Variants in SPEG observed in about 807,000 individuals in gnomAD.
SPEG encodes striated muscle enriched protein kinase.
A neutral mutation model predicts 300.4 loss-of-function variants in SPEG; 114 were observed. The observed-to-expected ratio is 0.38, with a 90% CI of 0.33 to 0.44. The LOEUF (loss-of-function observed/expected upper bound fraction) is 0.44, where lower values mean the gene tolerates loss of function less well. SPEG is among the 20% of genes least tolerant of loss of function. The probability of loss-of-function intolerance (pLI) is 1.00; values close to 1 mark genes in which losing one functional copy is unlikely to be tolerated. For missense variants in SPEG, 4,201 were observed against 4,586.2 expected (o/e 0.92, Z 2.43); for synonymous variants, 1,964 against 2,018.9 (o/e 0.97, Z 0.73).
rs1553607135 is a variant in SPEG, at chr2:219,449,033, AC to A, written c.1881del (p.Gly628ValfsTer92). 8.6e-6 allele frequency: 13 copies of A among 1,517,668 alleles called. No individual in the cohort carries two copies. The highest frequency in any genetic ancestry group is 5.4e-5 in the East Asian group (2 of 37,118). The allele number at this position is 1,517,668 out of a possible 1,614,324, so 94.0% of individuals were successfully genotyped here. On this transcript the variant is annotated frameshift_variant, in exon 4 of 41. Transcript: ENST00000312358. LOFTEE classifies it high-confidence loss of function. ...ADPPEARTKAPPGRKREPPAQ... is the reference protein window; with the variant it reads ...ADPPEARTKAXPGRKREPPAQ... ...ATCCCCCAGAGGCCAGGACGAAAGC[AC>A]CCCCCGGTCGGAAGCGGGAGCCCCC... is the stretch of plus-strand genomic sequence containing the variant.
rs749460334 is a variant in SPEG, at chr2:219,473,989, A to G, written c.4447+86A>G. The G allele has an allele frequency of 5.7e-6, 8 of 1,413,522 alleles. No homozygotes were observed. In the South Asian group the frequency reaches 7.9e-5, roughly 14 times the overall value. 87.6% of individuals were successfully genotyped at this position (1,413,522 alleles called of 1,614,324 possible). On this transcript the variant is annotated intron_variant, in intron 18 of 40. Transcript: ENST00000312358. The surrounding 1 kb of genome is among the most constrained non-coding windows in gnomAD (Gnocchi z 4.6). ...CCCCCAGGTACACAACCTGCCTGAC[A>G]CTGCTGCAGATCCAAACCCATGTCC...
Position 219,485,055 on chromosome 2 carries a change from C to G in SPEG, c.7592C>G (p.Ala2531Gly), listed in dbSNP as rs1213929710. The G allele has an allele frequency of 6.5e-7, 1 of 1,532,522 alleles. No homozygotes were observed. Among genetic ancestry groups the G allele is most frequent in the Non-Finnish European group, 8.7e-7 (1 of 1,145,960 alleles). 94.9% of individuals were successfully genotyped at this position (1,532,522 alleles called of 1,614,324 possible). Residue 2531 changes from alanine (A) to glycine (G), a missense_variant, in exon 30 of 41, where the codon GCC becomes GGC. By Grantham distance (60) the Ala-to-Gly change is moderately conservative. Coordinates refer to ENST00000312358, the MANE Select transcript of SPEG (RefSeq NM_005876.5). ...SAESLGSEASATSGSSAPGES... is the reference protein window; with the variant it reads ...SAESLGSEASGTSGSSAPGES... ...GAGTCCCTGGGCTCCGAGGCCAGCGCCACGTCGGGCTCCTCAGGTGAGGAG... is the reference window on the plus strand; with the variant it reads ...GAGTCCCTGGGCTCCGAGGCCAGCGGCACGTCGGGCTCCTCAGGTGAGGAG...
chr2:219,484,505 G>A lies in SPEG; in HGVS notation c.7042G>A (p.Gly2348Arg), dbSNP rs765865804. Residue 2348 changes from glycine (G) to arginine (R), a missense_variant, in exon 30 of 41, where the codon GGG becomes AGG. Transcript: ENST00000312358. ...CAGCCGCGAGTCGCCCCTGTCGCTG[G>A]GGCTGCGGCTGCTGAGCCGTTCGCG... ...KRSRESPLSL[G>R]LRLLSRSRSE... 1 of 1,605,218 alleles carries A rather than the reference G, an allele frequency of 6.2e-7. No homozygotes were observed. The highest frequency in any genetic ancestry group is 2.2e-5 in the East Asian group (1 of 44,686).
rs982575334 is a variant in SPEG at position 219,472,168 on chromosome 2, T to G, written c.3836-59T>G. The stretch of plus-strand genomic sequence containing the variant: ...CCTAGCCTCCTGCCCTGAGGCTCGG[T>G]GATCCTGTGGGGCTGTTGGGCCCTT... On this transcript the variant is annotated intron_variant, in intron 14 of 40. Transcript: ENST00000312358. 49 of 1,574,388 alleles carry G rather than the reference T, an allele frequency of 3.1e-5. No homozygotes were observed. In the African/African-American group the frequency reaches 5.8e-4, roughly 19 times the overall value.
At chr2:219,465,868 CGTGTGT>C in intron 9 of SPEG, 2 of 611,836 alleles carry the variant, frequency 3.3e-6, no homozygotes, top group Admixed American at 2.5e-5. Flanking sequence ...CATGTGTGTG[CGTGTGT>C]GCGTGCGTGT....
Position 219,477,589 on chromosome 2 carries a change from C to A in SPEG, c.4730-100C>A. 7.3e-7 allele frequency: 1 copy of A among 1,376,026 alleles called. No individual in the cohort carries two copies. Among genetic ancestry groups the A allele is most frequent in the East Asian group, 2.4e-5 (1 of 41,824 alleles). The allele number at this position is 1,376,026 out of a possible 1,614,324, so 85.2% of individuals were successfully genotyped here. On this transcript the variant is annotated intron_variant, in intron 20 of 40. Transcript: ENST00000312358. This position sits in a 1 kb window ranked among gnomAD's most constrained non-coding sequence, Gnocchi z 6.4. ...CACCCCGCCTTGAGCCCCCAACATT[C>A]TTGCACCTCTTCTCTCTTCTTCTTC...
intron 22 of SPEG, among the ~76,000 whole-genome samples, 198 bp downstream of exon 22, chr2:219,478,303 T>C (rs1446408426): frequency 6.6e-6 from 1 of 152,262 alleles, no homozygotes; most frequent in Non-Finnish European, 1.5e-5. Context: ...TTAATGTGTG[T>C]GCCTGGCAGT....
In SPEG at chr2:219,445,153, T is replaced by C; in HGVS notation, c.807T>C (p.Ser269=). The C allele has an allele frequency of 6.4e-7, 1 of 1,571,224 alleles. No homozygotes were observed. Among genetic ancestry groups the C allele is most frequent in the Non-Finnish European group, 8.6e-7 (1 of 1,159,132 alleles). Reference sequence around the variant, plus strand: ...GCCTGTACAGAGGACGGGCGCTCTCTATCCACGTGTAAGTAACGGCCTTAC... The same window carrying C: ...GCCTGTACAGAGGACGGGCGCTCTCCATCCACGTGTAAGTAACGGCCTTAC... ...AFSLYRGRAL[S]IHVSVPQSGL... is the part of the protein sequence containing the mutation. The change falls in exon 3 of 41, where the codon TCT becomes TCC. Residue 269 remains serine (S), a synonymous_variant. Coordinates refer to ENST00000312358, the MANE Select transcript of SPEG (RefSeq NM_005876.5). This position sits in a 1 kb window ranked among gnomAD's most constrained non-coding sequence, Gnocchi z 6.1.
rs751239822 is a variant in SPEG, at chr2:219,492,718, C to T, written c.9736C>T (p.Arg3246Trp). The part of the protein sequence containing the change: ...NRLKEFLGEQ[R>W]RRRAEAATRH... The stretch of plus-strand genomic sequence containing the variant: ...GCTCAAGGAGTTCCTGGGCGAGCAG[C>T]GGCGGCGCCGGGCTGAGGCTGCCAC... Residue 3246 changes from arginine (R) to tryptophan (W), a missense_variant, in exon 41 of 41, where the codon CGG becomes TGG. Physicochemically the swap from Arg to Trp is moderately radical, Grantham distance 101. This residue lies in a region of SPEG where 318 missense variants were observed against 429.5 expected (regional missense o/e 0.74). Transcript: ENST00000312358. The T allele has an allele frequency of 8.1e-6, 13 of 1,601,114 alleles. No individual in the cohort carries two copies. The highest frequency in any genetic ancestry group is 4.4e-5 in the South Asian group (4 of 90,492).
rs1690765853 is a variant in SPEG at position 219,462,112 on chromosome 2, GC to G, written c.2616+60del. 4 of 1,423,170 alleles carry G rather than the reference GC, an allele frequency of 2.8e-6. No homozygotes were observed. In the South Asian group the frequency reaches 3.9e-5, roughly 14 times the overall value. 88.2% of individuals were successfully genotyped at this position (1,423,170 alleles called of 1,614,324 possible). On this transcript the variant is annotated intron_variant, in intron 7 of 40. Coordinates refer to ENST00000312358, the MANE Select transcript of SPEG (RefSeq NM_005876.5). ...CCTGTGTGCCCCCGTTCCTTTGGGT[GC>G]CCCCTTGTTCTTGGGGCCATGCCTA...
chr2:219,464,313 A>G lies in SPEG; in HGVS notation c.2706-120A>G. On this transcript the variant is annotated intron_variant, in intron 8 of 40. Transcript: ENST00000312358. The surrounding 1 kb of genome is among the most constrained non-coding windows in gnomAD (Gnocchi z 4.5). The stretch of plus-strand genomic sequence containing the variant: ...GGGATGCCCACGGTCAGTGGGACAG[A>G]TCTGGGGACTGGGCAAACTGCACAG... 1 of 1,129,706 alleles carries G rather than the reference A, an allele frequency of 8.9e-7. No individual in the cohort carries two copies. Among genetic ancestry groups the G allele is most frequent in the Non-Finnish European group, 1.3e-6 (1 of 797,710 alleles). 70.0% of individuals were successfully genotyped at this position (1,129,706 alleles called of 1,614,324 possible).
rs923837494 is a variant in SPEG, at chr2:219,479,698, G to T, written c.5086-85G>T. On this transcript the variant is annotated intron_variant, in intron 23 of 40. Transcript: ENST00000312358. The surrounding 1 kb of genome is among the most constrained non-coding windows in gnomAD (Gnocchi z 5.5). Reference sequence around the variant, plus strand: ...GAGCCATCTGAAGGCTACTCCACAGGCACAGCCGGACCGCTTGCCGCCCTG... The same window carrying T: ...GAGCCATCTGAAGGCTACTCCACAGTCACAGCCGGACCGCTTGCCGCCCTG... 37 of 1,265,528 alleles carry T rather than the reference G, an allele frequency of 2.9e-5. No homozygotes were observed. The highest frequency in any genetic ancestry group is 8.4e-5 in the Admixed American group (5 of 59,332). 78.4% of individuals were successfully genotyped at this position (1,265,528 alleles called of 1,614,324 possible).
chr2:219,447,510 C>T (rs1689397348), intron 3 of SPEG, among the ~76,000 whole-genome samples: 1 of 151,960 alleles, frequency 6.6e-6, no homozygotes, highest in Non-Finnish European at 1.5e-5. Flanking sequence ...GGGGTGTGCC[C>T]TGCTGATGAT....
At position 219,485,408 on chromosome 2, in the gene SPEG, TTA is replaced by T; in HGVS notation, c.7674_7675del (p.Leu2558PhefsTer21). 6.2e-7 allele frequency: 1 copy of T among 1,606,690 alleles called. No individual in the cohort carries two copies. The highest frequency in any genetic ancestry group is 8.5e-7 in the Non-Finnish European group (1 of 1,176,486). On this transcript the variant is annotated frameshift_variant, in exon 31 of 41. Coordinates refer to ENST00000312358, the MANE Select transcript of SPEG (RefSeq NM_005876.5). LOFTEE classifies it high-confidence loss of function. ...GFSRPRKDKG[L>X]SPPNLSASVQ... is the part of the protein sequence containing the mutation. ...CTCTCGGCCGCGGAAGGACAAGGGG[TTA>T]TCGCCACCAAACCTCTCTGCCAGCG... is the stretch of plus-strand genomic sequence containing the variant.
At chr2:219,454,061 C>T (rs1405758822) in intron 6 of SPEG, among the ~76,000 whole-genome samples, 1 of 152,130 alleles carries the variant, frequency 6.6e-6, no homozygotes, top group South Asian at 2.1e-4. Flanking sequence ...TTGCTCCTTC[C>T]CCTCCCCCTC....
In SPEG at chr2:219,451,906, C is replaced by T; in HGVS notation, c.2440+99C>T. The T allele has an allele frequency of 8.0e-7, 1 of 1,251,078 alleles. No individual in the cohort carries two copies. Among genetic ancestry groups the T allele is most frequent in the Admixed American group, 2.9e-5 (1 of 34,332 alleles). 77.5% of individuals were successfully genotyped at this position (1,251,078 alleles called of 1,614,324 possible). A position where few individuals can be genotyped will look rare whatever the true frequency, so the allele number is the denominator to read the frequency against. ...CTCCCTTCCCACTCTCAGCCTTGAG[C>T]TTGGGCACCCCGCCAGCATACTTAG... On this transcript the variant is annotated intron_variant, in intron 6 of 40. Transcript: ENST00000312358. This position sits in a 1 kb window ranked among gnomAD's most constrained non-coding sequence, Gnocchi z 6.4.
In SPEG at chr2:219,467,444, C is replaced by T. The variant is rs2125457334; in HGVS notation, c.3142+10C>T. 1.3e-6 allele frequency: 2 copies of T among 1,591,620 alleles called. No homozygotes were observed. Among genetic ancestry groups the T allele is most frequent in the Non-Finnish European group, 1.7e-6 (2 of 1,165,908 alleles). On this transcript the variant is annotated intron_variant, in intron 10 of 40. Coordinates refer to ENST00000312358, the MANE Select transcript of SPEG (RefSeq NM_005876.5). ...CTCAGCACGGCCAAAGGTAACTCCCCACTCAGGCATTGGGCTGCCGTGGGT... is the reference window on the plus strand; with the variant it reads ...CTCAGCACGGCCAAAGGTAACTCCCTACTCAGGCATTGGGCTGCCGTGGGT...
rs1358162047 is a variant in SPEG, at chr2:219,434,883, G to A, written c.-95G>A. The A allele has an allele frequency of 1.3e-5, 11 of 829,244 alleles. No homozygotes were observed. Among genetic ancestry groups the A allele is most frequent in the African/African-American group, 1.8e-5 (1 of 55,072 alleles). The allele number at this position is 829,244 out of a possible 1,614,324, so 51.4% of individuals were successfully genotyped here. On this transcript the variant is annotated 5_prime_UTR_variant, in exon 1 of 41. Coordinates refer to ENST00000312358, the MANE Select transcript of SPEG (RefSeq NM_005876.5). ...CGGGCGGGCAGCAGGAAGGCAGGCCGCCGGCCCCCCAGACTTGTCTCCTAG... is the reference window on the plus strand; with the variant it reads ...CGGGCGGGCAGCAGGAAGGCAGGCCACCGGCCCCCCAGACTTGTCTCCTAG...
In SPEG at chr2:219,448,528, T is replaced by A. The variant is rs1689492091; in HGVS notation, c.1370T>A (p.Leu457Gln). The change falls in exon 4 of 41, where the codon CTG (leucine) becomes CAG (glutamine). Residue 457 changes from leucine to glutamine, a missense_variant. By Grantham distance (113) the Leu-to-Gln change is moderately radical. Coordinates refer to ENST00000312358, the MANE Select transcript of SPEG (RefSeq NM_005876.5). ...WGTPGASQEE[L>Q]RAPGSVAERR... ...ACCCCCGGGGCCTCGCAGGAAGAAC[T>A]GCGGGCGCCAGGCAGCGTGGCCGAG... 6.9e-7 allele frequency: 1 copy of A among 1,444,246 alleles called. No homozygotes were observed. Among genetic ancestry groups the A allele is most frequent in the South Asian group, 1.4e-5 (1 of 71,614 alleles). 89.5% of individuals were successfully genotyped at this position (1,444,246 alleles called of 1,614,324 possible).
Sources: gnomAD v4.1 joint callset for allele counts (sites outside exome capture counted in the v4.1 genomes callset) on GRCh38, gnomAD v4.1.1 for gene constraint, gnomAD v4.1.1 regional missense constraint, Gnocchi (gnomAD v3.1) non-coding constraint, MANE v1.5 for transcripts, NCBI Gene and HGNC (gene_info 2026-07-23, HGNC 2026-07-21) for gene names.